IGF2BP3: variants seen among roughly 807,000 people sequenced by gnomAD.
The protein encoded by IGF2BP3 is insulin like growth factor 2 mRNA binding protein 3.
Under a neutral mutation model 73.8 loss-of-function variants are expected in IGF2BP3, and 9 were observed. The observed-to-expected ratio is 0.12, with a 90% CI of 0.07 to 0.21. IGF2BP3 has a LOEUF of 0.21. Ranked by LOEUF, IGF2BP3 falls within the 10% of genes least tolerant of loss-of-function variation. IGF2BP3 has a pLI of 1.00. For missense variants in IGF2BP3, 542 were observed against 714.0 expected, an observed-to-expected ratio of 0.76 and a Z score of 2.75; for synonymous variants, 258 against 256.7, an observed-to-expected ratio of 1.01 and a Z score of -0.05.
chr7:23,372,769 G>C (rs1226635157), intron 3 of IGF2BP3, among the ~76,000 whole-genome samples: 2 of 152,178 alleles, frequency 1.3e-5, no homozygotes, highest in African/African-American at 4.8e-5. Flanking sequence ...GTTCAGTCAT[G>C]AATCAGGGCT....
intron 3 of IGF2BP3, among the ~76,000 whole-genome samples, chr7:23,370,112 C>T (rs1785500529): frequency 6.6e-6 from 1 of 152,186 alleles, no homozygotes; most frequent in African/African-American, 2.4e-5. Flanking sequence ...ATATATCCAA[C>T]ATACTTCCCA....
chr7:23,326,475 T>G (rs926326155), intron 10 of IGF2BP3, among the ~76,000 whole-genome samples: 25 of 151,556 alleles, frequency 1.6e-4, no homozygotes, highest in African/African-American at 2.2e-4. Context: ...GGTGGGACTG[T>G]AAACTAGTTC....
At chr7:23,397,743 T>C (rs903430493) in intron 3 of IGF2BP3, among the ~76,000 whole-genome samples, 1 of 152,228 alleles carries the variant, frequency 6.6e-6, no homozygotes, top group African/African-American at 2.4e-5. Flanking sequence ...CCTATTAGCA[T>C]TTATTTGACA....
chr7:23,341,096 C>T (rs1012914843), intron 10 of IGF2BP3, among the ~76,000 whole-genome samples: 4 of 151,958 alleles, frequency 2.6e-5, no homozygotes, highest in Non-Finnish European at 5.9e-5. Context: ...GTGATCCTCC[C>T]GCCTCGGCCT....
At chr7:23,326,990 G>A (rs1002149580) in intron 10 of IGF2BP3, among the ~76,000 whole-genome samples, 1 of 150,494 alleles carries the variant, frequency 6.6e-6, no homozygotes, top group Non-Finnish European at 1.5e-5. Context: ...GTGGGTGCAG[G>A]GCACCAGCAT....
chr7:23,436,480 T>C (rs1414326960), intron 2 of IGF2BP3, among the ~76,000 whole-genome samples: 1 of 152,210 alleles, frequency 6.6e-6, no homozygotes. Flanking sequence ...TCCTCTGTGG[T>C]ACTTTTAAAA....
intron 3 of IGF2BP3, among the ~76,000 whole-genome samples, chr7:23,393,863 T>C (rs1315203824): frequency 6.6e-6 from 1 of 152,274 alleles, no homozygotes; most frequent in Admixed American, 6.5e-5. Context: ...TCCCTCCTGC[T>C]GCGGAAGGAA....
At chr7:23,453,416 G>C (rs1047821485) in intron 2 of IGF2BP3, among the ~76,000 whole-genome samples, 1 of 152,174 alleles carries the variant, frequency 6.6e-6, no homozygotes, top group African/African-American at 2.4e-5. Flanking sequence ...TTATCTGTAC[G>C]ATACTGTTAA....
intron 10 of IGF2BP3, among the ~76,000 whole-genome samples, chr7:23,341,433 A>AG (rs1784709812): frequency 6.6e-6 from 1 of 152,204 alleles, no homozygotes; most frequent in Admixed American, 6.5e-5. Context: ...TGAGAGGCCG[A>AG]GGCAGGCAGA....
rs1023858647 is a variant in IGF2BP3 at position 23,342,330 on chromosome 7, T to G, written c.1078-141A>C. ...ACTCAAAGCAGATGTTCCATGGGAC[T>G]CTACTTGAGTACATCGTTTACATCT... On this transcript the variant is annotated intron_variant, in intron 9 of 14. Coordinates refer to ENST00000258729, the MANE Select transcript of IGF2BP3 (RefSeq NM_006547.3). 5.1e-5 allele frequency: 45 copies of G among 881,638 alleles called. No homozygotes were observed. In the African/African-American group the frequency reaches 7.0e-4, roughly 14 times the overall value. 54.6% of individuals were successfully genotyped at this position (881,638 alleles called of 1,614,324 possible).
At chr7:23,413,083 C>T (rs1787080000) in intron 3 of IGF2BP3, among the ~76,000 whole-genome samples, 1 of 151,026 alleles carries the variant, frequency 6.6e-6, no homozygotes, top group Non-Finnish European at 1.5e-5. Context: ...TGGTCTCGAT[C>T]TCCTGACCTC....
intron 3 of IGF2BP3, chr7:23,394,748 C>T (rs1786394817): frequency 6.6e-6 from 1 of 152,094 alleles, no homozygotes. Context: ...TTAAACAGCA[C>T]GTCAGAATAG....
At chr7:23,404,641 A>C (rs1017535727) in intron 3 of IGF2BP3, among the ~76,000 whole-genome samples, 1 of 152,038 alleles carries the variant, frequency 6.6e-6, no homozygotes, top group African/African-American at 2.4e-5. Context: ...ATCGCAGTAA[A>C]TTATAGCCTT....
intron 2 of IGF2BP3, among the ~76,000 whole-genome samples, chr7:23,463,104 C>T (rs1788487542): frequency 1.3e-5 from 2 of 152,238 alleles, no homozygotes; most frequent in African/African-American, 4.8e-5. Flanking sequence ...AAGAATAGCA[C>T]AGCTAACCAT....
At chr7:23,371,949 A>G (rs182580446) in intron 3 of IGF2BP3, among the ~76,000 whole-genome samples, 2 of 152,240 alleles carry the variant, frequency 1.3e-5, no homozygotes, top group East Asian at 1.9e-4. Flanking sequence ...CCGAATCCAG[A>G]GCTTAAGGGG....
chr7:23,383,391 A>G (rs1454215340), intron 3 of IGF2BP3, among the ~76,000 whole-genome samples: 1 of 152,240 alleles, frequency 6.6e-6, no homozygotes, highest in Non-Finnish European at 1.5e-5. Context: ...GATGCTTGAT[A>G]TCATTAGTCA....
At chr7:23,392,639 T>A (rs1166448286) in intron 3 of IGF2BP3, among the ~76,000 whole-genome samples, 1 of 151,976 alleles carries the variant, frequency 6.6e-6, no homozygotes, top group Non-Finnish European at 1.5e-5. Flanking sequence ...TTTTTGTTTG[T>A]TTTTGGAGAC....
At chr7:23,447,773 G>A (rs1283458096) in intron 2 of IGF2BP3, among the ~76,000 whole-genome samples, 1 of 152,050 alleles carries the variant, frequency 6.6e-6, no homozygotes, top group Non-Finnish European at 1.5e-5. Flanking sequence ...GAGCTCAGGA[G>A]TTCGAGACCA....
intron 2 of IGF2BP3, among the ~76,000 whole-genome samples, chr7:23,465,471 G>A (rs555118753): frequency 2.0e-5 from 3 of 152,122 alleles, no homozygotes; most frequent in Non-Finnish European, 4.4e-5. Flanking sequence ...CTCAGTAATT[G>A]GGAGCTAAGC....
Sources: gnomAD v4.1 joint callset for allele counts (sites outside exome capture counted in the v4.1 genomes callset) on GRCh38, gnomAD v4.1.1 for gene constraint, MANE v1.5 for transcripts, NCBI Gene and HGNC (gene_info 2026-07-23, HGNC 2026-07-21) for gene names.